Variants in CNTNAP2 observed in about 807,000 individuals in gnomAD.
The protein encoded by CNTNAP2 is contactin associated protein 2.
CNTNAP2 carries 98 observed loss-of-function variants against 155.2 expected under a neutral mutation model. That is an observed-to-expected ratio of 0.63 (90% confidence interval 0.54 to 0.75). The LOEUF is 0.75. Among genes scored for constraint, CNTNAP2 ranks in the 30% least tolerant of loss-of-function variants. The pLI, the probability that CNTNAP2 is intolerant of heterozygous loss-of-function variation, is 0.00. For missense variants in CNTNAP2, 1,727 were observed against 1,688.1 expected (o/e 1.02, Z -0.40); for synonymous variants, 651 against 631.2 (o/e 1.03, Z -0.47).
Position 148,281,469 on chromosome 7 carries a change from C to T in CNTNAP2, c.3475+14343C>T, listed in dbSNP as rs1283106016. On this transcript the variant is annotated intron_variant, in intron 21 of 23. Transcript: ENST00000361727. Reference sequence around the variant, plus strand: ...GCAGGAAAGCACTGATGAGAAAGCTCATTGAAGTGATAGGTGAGAAATAAT... The same window carrying T: ...GCAGGAAAGCACTGATGAGAAAGCTTATTGAAGTGATAGGTGAGAAATAAT... 2.0e-5 allele frequency among the ~76,000 whole-genome samples: 3 copies of T among 152,186 alleles called. 1 individual carries two copies. Among genetic ancestry groups the T allele is most frequent in the South Asian group, 4.1e-4 (2 of 4,830 alleles).
At chr7:146,490,287 T>C (rs1797119385) in intron 1 of CNTNAP2, among the ~76,000 whole-genome samples, 1 of 152,214 alleles carries the variant, frequency 6.6e-6, no homozygotes, top group South Asian at 2.1e-4. Context: ...AATATGGCAG[T>C]GAATAATATA....
At chr7:148,296,817 G>A (rs1797294891) in intron 21 of CNTNAP2, among the ~76,000 whole-genome samples, 1 of 152,110 alleles carries the variant, frequency 6.6e-6, no homozygotes, top group African/African-American at 2.4e-5. Context: ...GCAGCTCTCA[G>A]GAAAAGAACA....
chr7:146,705,747 G>GA (rs1349200931), intron 1 of CNTNAP2, among the ~76,000 whole-genome samples: 1 of 152,002 alleles, frequency 6.6e-6, no homozygotes, highest in African/African-American at 2.4e-5. Context: ...GATCTCATGA[G>GA]ACTTATTTAC....
chr7:147,281,310 T>C (rs1474026355), intron 8 of CNTNAP2, among the ~76,000 whole-genome samples: 1 of 151,830 alleles, frequency 6.6e-6, no homozygotes, highest in African/African-American at 2.4e-5. Flanking sequence ...AATAGGTAAA[T>C]TCACCAGATT....
chr7:147,003,069 G>A (rs1193043816), intron 3 of CNTNAP2, among the ~76,000 whole-genome samples: 4 of 151,822 alleles, frequency 2.6e-5, no homozygotes, highest in Non-Finnish European at 5.9e-5. Flanking sequence ...AAGTCCCAGA[G>A]TGACTATCTG....
At chr7:146,861,592 T>C (rs950320316) in intron 3 of CNTNAP2, among the ~76,000 whole-genome samples, 17 of 152,068 alleles carry the variant, frequency 1.1e-4, no homozygotes, top group Non-Finnish European at 2.4e-4. Context: ...TGTGAATCCA[T>C]CTCTTAGCAG....
intron 13 of CNTNAP2, among the ~76,000 whole-genome samples, chr7:147,646,560 A>G (rs370796312): frequency 6.6e-6 from 1 of 152,018 alleles, no homozygotes; most frequent in East Asian, 1.9e-4. Flanking sequence ...CATATAGTCA[A>G]GACTGACCTA....
At chr7:146,257,115 C>T (rs1477689213) in intron 1 of CNTNAP2, among the ~76,000 whole-genome samples, 1 of 152,152 alleles carries the variant, frequency 6.6e-6, no homozygotes, top group African/African-American at 2.4e-5. Context: ...ACTACTTTTG[C>T]TTTCCTTTAT....
At chr7:146,550,643 T>C (rs931281591) in intron 1 of CNTNAP2, among the ~76,000 whole-genome samples, 7 of 152,070 alleles carry the variant, frequency 4.6e-5, no homozygotes, top group Admixed American at 1.3e-4. Flanking sequence ...ATTACAATGT[T>C]TGTATGTATC....
chr7:148,412,458 G>A (rs139987943), intron 23 of CNTNAP2, among the ~76,000 whole-genome samples: 15 of 152,320 alleles, frequency 9.8e-5, no homozygotes, highest in African/African-American at 3.1e-4. Context: ...TTTTCAATGC[G>A]AAGTCTTGAA....
Position 147,919,459 on chromosome 7 carries a change from C to CTTTCTTT in CNTNAP2, c.2255+15741_2255+15742insCTTTTTT, listed in dbSNP as rs58537091. On this transcript the variant is annotated intron_variant, in intron 14 of 23. Transcript: ENST00000361727. ...CACCATGTCTGGCTACTTTTTCTTT[C>CTTTCTTT]TTTTTTTTTTTTTTTTTGAGACAGA... 1.1e-3 allele frequency among the ~76,000 whole-genome samples: 56 copies of CTTTCTTT among 51,232 alleles called. 15 individuals carry two copies. The highest frequency in any genetic ancestry group is 4.0e-3 in the East Asian group (5 of 1,256). The allele number at this position is 51,232 out of a possible 152,430, so 33.6% of individuals were successfully genotyped here.
chr7:146,348,664 T>C (rs1230833122), intron 1 of CNTNAP2, among the ~76,000 whole-genome samples: 2 of 152,036 alleles, frequency 1.3e-5, no homozygotes, highest in Non-Finnish European at 2.9e-5. Flanking sequence ...AATAACAAGT[T>C]TGTTTTCACT....
At chr7:146,127,901 A>G (rs1402076281) in intron 1 of CNTNAP2, among the ~76,000 whole-genome samples, 1 of 152,162 alleles carries the variant, frequency 6.6e-6, no homozygotes, top group African/African-American at 2.4e-5. Context: ...TGAAATGTCA[A>G]TGAATTTCAT....
intron 21 of CNTNAP2, among the ~76,000 whole-genome samples, chr7:148,342,048 T>C (rs1298718147): frequency 6.6e-6 from 1 of 152,236 alleles, no homozygotes; most frequent in East Asian, 1.9e-4. Context: ...GTTTTATGTC[T>C]TTAATTTCTT....
In CNTNAP2 at chr7:146,590,830, G is replaced by A. The variant is rs531271460; in HGVS notation, c.98-183441G>A. On this transcript the variant is annotated intron_variant, in intron 1 of 23. Coordinates refer to ENST00000361727, the MANE Select transcript of CNTNAP2 (RefSeq NM_014141.6). ...GACTGAAAGCTTGCCATTCTTGATT[G>A]TTGCTGTTCTTTAACAGCTGATACA... Among the ~76,000 whole-genome samples, 84 of 152,288 alleles carry A rather than the reference G, an allele frequency of 5.5e-4. 4 individuals are homozygous for A. In the South Asian group the frequency reaches 0.016, roughly 29 times the overall value.
intron 1 of CNTNAP2, among the ~76,000 whole-genome samples, chr7:146,682,621 C>T (rs1347291238): frequency 6.6e-6 from 1 of 151,956 alleles, no homozygotes; most frequent in East Asian, 1.9e-4. Context: ...CAGTGCAAAC[C>T]ACAGAAAAAC....
At chr7:146,627,602 T>C (rs1264406318) in intron 1 of CNTNAP2, among the ~76,000 whole-genome samples, 3 of 152,080 alleles carry the variant, frequency 2.0e-5, no homozygotes, top group Non-Finnish European at 4.4e-5. Context: ...CTATTGAGAG[T>C]AGAATTTTAA....
At chr7:147,707,841 A>G (rs1796339108) in intron 13 of CNTNAP2, among the ~76,000 whole-genome samples, 1 of 152,176 alleles carries the variant, frequency 6.6e-6, no homozygotes, top group Admixed American at 6.5e-5. Flanking sequence ...GTGGGTACCC[A>G]GTATGGTGAT....
chr7:147,224,785 C>T (rs1803483255), intron 8 of CNTNAP2, among the ~76,000 whole-genome samples: 1 of 152,188 alleles, frequency 6.6e-6, no homozygotes, highest in South Asian at 2.1e-4. Context: ...TCTATATATA[C>T]ACATATACAC....
Sources: allele counts gnomAD v4.1 joint callset (sites outside exome capture counted in the v4.1 genomes callset), GRCh38; gene constraint gnomAD v4.1.1; transcripts MANE v1.5; gene names NCBI Gene and HGNC (gene_info 2026-07-23, HGNC 2026-07-21).